Variants in CADPS2 observed in about 807,000 individuals in gnomAD.
CADPS2 encodes calcium-dependent secretion activator 2.
In CADPS2, 93 loss-of-function variants were observed where a neutral mutation model predicts 172.5. The ratio of observed to expected loss-of-function variants is 0.54; its 90% CI spans 0.46 to 0.64. CADPS2 has a LOEUF of 0.64. Ranked by LOEUF, CADPS2 falls within the 30% of genes least tolerant of loss-of-function variation. CADPS2 has a pLI of 0.00. For synonymous variants in CADPS2, 546 were observed against 555.2 expected (o/e 0.98, Z 0.23); for missense variants, 1,420 against 1,565.9 (o/e 0.91, Z 1.57).
chr7:122,325,534 A>C lies in CADPS2; in HGVS notation c.3660T>G (p.Asp1220Glu). Residue 1220 changes from aspartate to glutamate, a missense_variant, in exon 29 of 30, where the codon GAT becomes GAG. By Grantham distance (45) the Asp-to-Glu change is conservative. Transcript: ENST00000449022. ...SMKVICVWLT[D>E]RLDLQLHIYQ... is the part of the protein sequence containing the mutation. ...AAATATGGAGTTGGAGGTCTAATCT[A>C]TCAGTCAACCACACGCAAATGACTT... 1 of 1,611,764 alleles carries C rather than the reference A, an allele frequency of 6.2e-7. No homozygotes were observed. The highest frequency in any genetic ancestry group is 1.1e-5 in the South Asian group (1 of 90,552).
At chr7:122,438,602 G>A in intron 16 of CADPS2, 138 bp from the exon 17 acceptor site, 2 of 957,064 alleles carry the variant, frequency 2.1e-6, no homozygotes, top group Non-Finnish European at 3.1e-6. Context: ...ATTAGGGAGA[G>A]GGGTCCTAGG....
chr7:122,336,303 A>G (rs1394580159), intron 28 of CADPS2, among the ~76,000 whole-genome samples: 2 of 152,318 alleles, frequency 1.3e-5, no homozygotes, highest in South Asian at 2.1e-4. Flanking sequence ...ACAAAAGGCC[A>G]GCACAGAAAA....
chr7:122,607,894 G>T (rs910145588), intron 6 of CADPS2, among the ~76,000 whole-genome samples: 1 of 152,104 alleles, frequency 6.6e-6, no homozygotes, highest in Non-Finnish European at 1.5e-5. Flanking sequence ...CTTTTGTGTG[G>T]TTTGAGTGTT....
At chr7:122,779,951 T>C (rs1181472606) in intron 1 of CADPS2, among the ~76,000 whole-genome samples, 1 of 152,168 alleles carries the variant, frequency 6.6e-6, no homozygotes, top group Non-Finnish European at 1.5e-5. Context: ...ATTTCTCTTA[T>C]TCTCTCTGTT....
chr7:122,593,018 A>AT (rs1457951960), intron 6 of CADPS2, among the ~76,000 whole-genome samples: 1 of 151,690 alleles, frequency 6.6e-6, no homozygotes, highest in Non-Finnish European at 1.5e-5. Context: ...AAATAAATAA[A>AT]TGTATTTGAA....
At chr7:122,845,624 GGT>G (rs1200266747) in intron 1 of CADPS2, among the ~76,000 whole-genome samples, 1 of 152,142 alleles carries the variant, frequency 6.6e-6, no homozygotes, top group Non-Finnish European at 1.5e-5. Context: ...AGCAAGCTTG[GGT>G]TGAAAAGCCC....
chr7:122,590,060 T>C (rs1425631618), intron 6 of CADPS2, among the ~76,000 whole-genome samples: 2 of 151,874 alleles, frequency 1.3e-5, no homozygotes, highest in African/African-American at 2.4e-5. Context: ...TGGTTCAACG[T>C]GAATTCCATC....
At chr7:122,329,270 A>G (rs1389198914) in intron 28 of CADPS2, among the ~76,000 whole-genome samples, 1 of 152,134 alleles carries the variant, frequency 6.6e-6, no homozygotes, top group Non-Finnish European at 1.5e-5. Flanking sequence ...GCTGGCATTG[A>G]TCCCCAACTG....
intron 2 of CADPS2, among the ~76,000 whole-genome samples, chr7:122,723,621 G>C (rs1361680209): frequency 1.3e-5 from 2 of 152,104 alleles, no homozygotes; most frequent in Non-Finnish European, 2.9e-5. Flanking sequence ...ACAGTGTGGC[G>C]ATTCCTCAAG....
At chr7:122,379,738 TCTC>T (rs1324171286) in intron 24 of CADPS2, among the ~76,000 whole-genome samples, 3 of 152,008 alleles carry the variant, frequency 2.0e-5, no homozygotes, top group South Asian at 2.1e-4. Context: ...CTTTTTGTCT[TCTC>T]CTCTATAATT....
chr7:122,630,123 T>G (rs1174422825), intron 3 of CADPS2, among the ~76,000 whole-genome samples: 1 of 152,162 alleles, frequency 6.6e-6, no homozygotes, highest in African/African-American at 2.4e-5. Context: ...GACTTTAGTT[T>G]TTTCTCCTTT....
At chr7:122,672,147 A>G (rs185886459) in intron 2 of CADPS2, among the ~76,000 whole-genome samples, 1 of 152,336 alleles carries the variant, frequency 6.6e-6, no homozygotes, top group Non-Finnish European at 1.5e-5. Flanking sequence ...GTTTAAGACA[A>G]TCTTTCAGGC....
intron 14 of CADPS2, among the ~76,000 whole-genome samples, chr7:122,454,127 C>T (rs556731390): frequency 6.6e-5 from 10 of 152,250 alleles, no homozygotes; most frequent in South Asian, 2.1e-4. Flanking sequence ...TAATTCTTCC[C>T]GATAAGTGCA....
At chr7:122,599,867 T>C (rs1359032733) in intron 6 of CADPS2, among the ~76,000 whole-genome samples, 1 of 152,072 alleles carries the variant, frequency 6.6e-6, no homozygotes, top group Non-Finnish European at 1.5e-5. Context: ...AACACACTCC[T>C]CCTTTTCTGT....
At chr7:122,836,345 C>T (rs1449218804) in intron 1 of CADPS2, among the ~76,000 whole-genome samples, 4 of 152,010 alleles carry the variant, frequency 2.6e-5, no homozygotes, top group Non-Finnish European at 2.9e-5. Context: ...GTAAAGACCA[C>T]CGAGGCTGGG....
chr7:122,569,106 C>T lies in CADPS2; in HGVS notation c.1335+12073G>A, dbSNP rs546769627. On this transcript the variant is annotated intron_variant, in intron 7 of 29. Coordinates refer to ENST00000449022, the MANE Select transcript of CADPS2 (RefSeq NM_017954.11). ...AAGTCAAATTGTCCCTGTTTGCAGA[C>T]GACATGATTGTATATCTAGAAAACC... Among the ~76,000 whole-genome samples the T allele has an allele frequency of 1.4e-4, 21 of 152,176 alleles. 2 individuals carry two copies. In the South Asian group the frequency reaches 1.5e-3, roughly 11 times the overall value.
At chr7:122,409,249 T>C (rs1290261568) in intron 19 of CADPS2, among the ~76,000 whole-genome samples, 1 of 152,242 alleles carries the variant, frequency 6.6e-6, no homozygotes, top group East Asian at 1.9e-4. Flanking sequence ...TTCTCAGCTC[T>C]GAGTAGAGCA....
At chr7:122,624,796 GTC>G (rs2075922515) in intron 4 of CADPS2, among the ~76,000 whole-genome samples, 1 of 152,168 alleles carries the variant, frequency 6.6e-6, no homozygotes, top group Non-Finnish European at 1.5e-5. Context: ...TTCCCTGAGT[GTC>G]TGCTATGTGT....
intron 1 of CADPS2, among the ~76,000 whole-genome samples, chr7:122,814,915 T>C (rs975958739): frequency 1.3e-5 from 2 of 152,138 alleles, no homozygotes; most frequent in Admixed American, 6.5e-5. Context: ...AGAAACTTCC[T>C]TTAGACAATT....
Sources: gnomAD v4.1 joint callset for allele counts (sites outside exome capture counted in the v4.1 genomes callset) on GRCh38, gnomAD v4.1.1 for gene constraint, MANE v1.5 for transcripts, NCBI Gene and HGNC (gene_info 2026-07-23, HGNC 2026-07-21) for gene names.